SMARCAD1: variants seen among roughly 807,000 people sequenced by gnomAD.
The protein encoded by SMARCAD1 is SNF2 related chromatin remodeling ATPase with DExD box 1.
In SMARCAD1, 25 loss-of-function variants were observed where a neutral mutation model predicts 127.1. The ratio of observed to expected loss-of-function variants is 0.20; its 90% CI spans 0.14 to 0.27. The LOEUF (loss-of-function observed/expected upper bound fraction) is 0.27. Among genes scored for constraint, SMARCAD1 ranks in the 10% least tolerant of loss-of-function variants. The probability of loss-of-function intolerance (pLI) is 1.00; values close to 1 mark genes in which losing one functional copy is unlikely to be tolerated. For synonymous variants in SMARCAD1, 400 were observed against 396.9 expected (o/e 1.01, Z -0.09); for missense variants, 807 against 1,206.0 (o/e 0.67, Z 4.90).
chr4:94,275,095 G>A (rs1684044616), intron 14 of SMARCAD1, 130 bp downstream of exon 14: 1 of 737,470 alleles, frequency 1.4e-6, no homozygotes, highest in Non-Finnish European at 2.4e-6. Context: ...AATGACTAAT[G>A]TTGAGGATTC....
chr4:94,258,636 G>T (rs866231569), intron 9 of SMARCAD1, among the ~76,000 whole-genome samples: 10 of 152,136 alleles, frequency 6.6e-5, no homozygotes, highest in Non-Finnish European at 8.8e-5. Context: ...CATTGGTTTT[G>T]TAAGTGCATA....
chr4:94,219,498 G>C (rs1467575368), intron 2 of SMARCAD1, among the ~76,000 whole-genome samples: 1 of 151,832 alleles, frequency 6.6e-6, no homozygotes, highest in African/African-American at 2.4e-5. Flanking sequence ...CTTGTTTTAT[G>C]GTAGACTTAG....
chr4:94,267,794 C>G (rs1479242428), intron 10 of SMARCAD1, among the ~76,000 whole-genome samples: 1 of 152,008 alleles, frequency 6.6e-6, no homozygotes, highest in Non-Finnish European at 1.5e-5. Flanking sequence ...TTCAGAAGAC[C>G]TGAGCAAATC....
At chr4:94,231,161 G>A (rs975063220) in intron 3 of SMARCAD1, among the ~76,000 whole-genome samples, 9 of 152,236 alleles carry the variant, frequency 5.9e-5, no homozygotes, top group Middle Eastern at 3.4e-3. Flanking sequence ...AGGAGAATGG[G>A]GTTTTTTGTT....
chr4:94,246,502 A>T (rs146037318), intron 6 of SMARCAD1, among the ~76,000 whole-genome samples: 2 of 152,324 alleles, frequency 1.3e-5, no homozygotes, highest in East Asian at 3.9e-4. Flanking sequence ...TCCAGTGTGC[A>T]GTGAGCTCCC....
chr4:94,222,739 G>T (rs957864137), intron 2 of SMARCAD1, among the ~76,000 whole-genome samples: 5 of 152,116 alleles, frequency 3.3e-5, no homozygotes, highest in Non-Finnish European at 7.3e-5. Context: ...GAGGCAGGTG[G>T]ATCACCTGAT....
chr4:94,285,278 A>T (rs1446848313), intron 23 of SMARCAD1, among the ~76,000 whole-genome samples: 1 of 152,196 alleles, frequency 6.6e-6, no homozygotes, highest in East Asian at 1.9e-4. Context: ...ATTTTTGTAT[A>T]TGTTTTTGAA....
intron 10 of SMARCAD1, among the ~76,000 whole-genome samples, chr4:94,268,611 A>G (rs1490984036): frequency 2.0e-5 from 3 of 152,082 alleles, no homozygotes; most frequent in South Asian, 2.1e-4. Flanking sequence ...CATTTCTACT[A>G]TTTACTGGTT....
At chr4:94,211,312 G>A (rs1742219731) in intron 2 of SMARCAD1, among the ~76,000 whole-genome samples, 1 of 152,102 alleles carries the variant, frequency 6.6e-6, no homozygotes, top group African/African-American at 2.4e-5. Context: ...CAAAGGTCCT[G>A]CCCCCAAGTG....
rs927105073 is a variant in SMARCAD1, at chr4:94,266,840, A to G, written c.1481+1934A>G. 6.6e-5 allele frequency among the ~76,000 whole-genome samples: 10 copies of G among 152,230 alleles called. No individual in the cohort carries two copies. In the East Asian group the frequency reaches 1.3e-3, roughly 21 times the overall value. On this transcript the variant is annotated intron_variant, in intron 10 of 23. Transcript: ENST00000354268. ...AGAAAGTTTGCCTTTTAGAAATACAAATATTCCGGAATTCCTTGTGAAAAA... is the reference window on the plus strand; with the variant it reads ...AGAAAGTTTGCCTTTTAGAAATACAGATATTCCGGAATTCCTTGTGAAAAA...
rs971383512 is a variant in SMARCAD1 at position 94,262,300 on chromosome 4, A to G, written c.1282-2407A>G. On this transcript the variant is annotated intron_variant, in intron 9 of 23. Transcript: ENST00000354268. ...AATTTTAATCTCAATAGATGGTACCACTAATCTGTTAGCATTGAAGCCAGA... is the reference window on the plus strand; with the variant it reads ...AATTTTAATCTCAATAGATGGTACCGCTAATCTGTTAGCATTGAAGCCAGA... Among the ~76,000 whole-genome samples the G allele has an allele frequency of 3.5e-4, 53 of 152,194 alleles. 1 individual carries two copies. Among genetic ancestry groups the G allele is most frequent in the Non-Finnish European group, 1.8e-4 (12 of 68,038 alleles).
At chr4:94,268,410 T>C (rs574799482) in intron 10 of SMARCAD1, among the ~76,000 whole-genome samples, 2 of 152,272 alleles carry the variant, frequency 1.3e-5, no homozygotes, top group South Asian at 4.1e-4. Context: ...AGGTTGTATG[T>C]TGGGATGGCA....
intron 22 of SMARCAD1, among the ~76,000 whole-genome samples, chr4:94,284,336 AAAAAAAAAAAAAAAAAAG>A (rs1754562810): frequency 1.9e-5 from 2 of 102,904 alleles, no homozygotes; most frequent in East Asian, 3.6e-4. Flanking sequence ...CAAAAAAAAA[AAAAAAAAAAAAAAAAAAG>A]AAAAAAGTAA....
At chr4:94,216,613 C>T (rs910668333) in intron 2 of SMARCAD1, among the ~76,000 whole-genome samples, 5 of 152,192 alleles carry the variant, frequency 3.3e-5, no homozygotes, top group Non-Finnish European at 7.3e-5. Context: ...AACAACTACT[C>T]CTCATTTCTG....
rs1755448578 is a variant in SMARCAD1, at chr4:94,289,724, A to G, written c.*190A>G. 4 of 689,704 alleles carry G rather than the reference A, an allele frequency of 5.8e-6. No homozygotes were observed. Among genetic ancestry groups the G allele is most frequent in the Middle Eastern group, 3.6e-4 (1 of 2,796 alleles). The allele number at this position is 689,704 out of a possible 1,614,324, so 42.7% of individuals were successfully genotyped here. On this transcript the variant is annotated 3_prime_UTR_variant, in exon 24 of 24. Transcript: ENST00000354268. ...CCAAATACTCACACGTGAAATTTCAAAAAAGAAGCCACAAATATGTAGTTC... is the reference window on the plus strand; with the variant it reads ...CCAAATACTCACACGTGAAATTTCAGAAAAGAAGCCACAAATATGTAGTTC...
At chr4:94,232,733 G>A (rs767250448) in intron 3 of SMARCAD1, among the ~76,000 whole-genome samples, 22 of 152,104 alleles carry the variant, frequency 1.4e-4, no homozygotes, top group South Asian at 1.0e-3. Context: ...CGGGCGGATC[G>A]CTTGAGCCTA....
In SMARCAD1 at chr4:94,289,733, C is replaced by T. The variant is rs1755450590; in HGVS notation, c.*199C>T. The T allele has an allele frequency of 1.5e-6, 1 of 676,930 alleles. No homozygotes were observed. The highest frequency in any genetic ancestry group is 2.7e-6 in the Non-Finnish European group (1 of 363,642). 41.9% of individuals were successfully genotyped at this position (676,930 alleles called of 1,614,324 possible). On this transcript the variant is annotated 3_prime_UTR_variant, in exon 24 of 24. Transcript: ENST00000354268. The stretch of plus-strand genomic sequence containing the variant: ...CACACGTGAAATTTCAAAAAAGAAG[C>T]CACAAATATGTAGTTCTGAAGATGT...
intron 9 of SMARCAD1, among the ~76,000 whole-genome samples, chr4:94,262,563 C>G (rs1457306272): frequency 6.6e-6 from 1 of 152,160 alleles, no homozygotes; most frequent in Non-Finnish European, 1.5e-5. Context: ...CCCATAAGTT[C>G]AGTTTAGAAC....
intron 6 of SMARCAD1, among the ~76,000 whole-genome samples, chr4:94,246,262 G>C (rs1277934100): frequency 2.6e-5 from 4 of 151,910 alleles, no homozygotes; most frequent in African/African-American, 9.7e-5. Context: ...TGGGATTACA[G>C]GTGCCTGCCA....
Sources: gnomAD v4.1 joint callset for allele counts (sites outside exome capture counted in the v4.1 genomes callset) on GRCh38, gnomAD v4.1.1 for gene constraint, MANE v1.5 for transcripts, NCBI Gene and HGNC (gene_info 2026-07-23, HGNC 2026-07-21) for gene names.